Variants in HERC4 observed in about 807,000 individuals in gnomAD.
The protein encoded by HERC4 is HECT and RLD domain containing E3 ubiquitin protein ligase 4, also known as probable E3 ubiquitin-protein ligase HERC4.
A neutral mutation model predicts 124.3 loss-of-function variants in HERC4; 28 were observed. The ratio of observed to expected loss-of-function variants is 0.23; its 90% CI spans 0.17 to 0.31. The LOEUF (loss-of-function observed/expected upper bound fraction) is 0.31. Ranked by LOEUF, HERC4 falls within the 10% of genes least tolerant of loss-of-function variation. The pLI is 1.00. For synonymous variants in HERC4, 407 were observed against 421.5 expected (o/e 0.97, Z 0.42); for missense variants, 713 against 1,229.3 (o/e 0.58, Z 6.28).
chr10:67,950,446 T>C (rs922614025), intron 19 of HERC4, among the ~76,000 whole-genome samples: 3 of 152,108 alleles, frequency 2.0e-5, no homozygotes, highest in African/African-American at 7.2e-5. Flanking sequence ...CAGCTAATTT[T>C]TGTATTTTTA....
chr10:67,947,539 G>A (rs184260992), intron 19 of HERC4, among the ~76,000 whole-genome samples: 2 of 152,220 alleles, frequency 1.3e-5, no homozygotes, highest in Admixed American at 1.3e-4. Flanking sequence ...TATCATTAAT[G>A]TATACAACAA....
At chr10:67,959,237 A>G in intron 16 of HERC4, 5 of 1,084,450 alleles carry the variant, frequency 4.6e-6, no homozygotes, top group Non-Finnish European at 6.6e-6. Flanking sequence ...ATATTTTGCT[A>G]CAGCAGAATA....
chr10:67,928,886 A>G (rs1199597873), intron 23 of HERC4, among the ~76,000 whole-genome samples: 1 of 151,752 alleles, frequency 6.6e-6, no homozygotes, highest in Non-Finnish European at 1.5e-5. Context: ...GAGCCACTGC[A>G]CTCCAGCCTG....
At chr10:67,994,243 T>C (rs984878194) in intron 9 of HERC4, 2 of 152,162 alleles carry the variant, frequency 1.3e-5, no homozygotes, top group African/African-American at 2.4e-5. Context: ...TTCTCACAAA[T>C]CTATATGGAA....
chr10:68,028,451 A>G (rs1184378276), intron 7 of HERC4, among the ~76,000 whole-genome samples: 1 of 152,204 alleles, frequency 6.6e-6, no homozygotes, highest in East Asian at 1.9e-4. Context: ...AGAGCACCGT[A>G]GTAATCTTTG....
chr10:68,035,609 C>G (rs2039420424), intron 5 of HERC4, among the ~76,000 whole-genome samples: 1 of 152,242 alleles, frequency 6.6e-6, no homozygotes, highest in Non-Finnish European at 1.5e-5. Flanking sequence ...TGCTTTCTCA[C>G]TGCTCTTGGG....
At chr10:68,009,227 T>TAAA (rs530909163) in intron 9 of HERC4, among the ~76,000 whole-genome samples, 1 of 144,334 alleles carries the variant, frequency 6.9e-6, no homozygotes, top group Non-Finnish European at 1.5e-5. Flanking sequence ...TCTGTCTCAT[T>TAAA]AAAAAAAAAA....
intron 19 of HERC4, among the ~76,000 whole-genome samples, chr10:67,952,597 TTAAAGACTCA>T (rs1282726122): frequency 6.6e-6 from 1 of 151,626 alleles, no homozygotes; most frequent in African/African-American, 2.4e-5. Context: ...TTAAAATATC[TTAAAGACTCA>T]TAAATTGGAG....
chr10:67,960,044 C>T (rs892175313), intron 16 of HERC4, among the ~76,000 whole-genome samples: 4 of 152,134 alleles, frequency 2.6e-5, no homozygotes, highest in African/African-American at 9.7e-5. Flanking sequence ...GTTTGCCTGG[C>T]GCTTTAGCCA....
chr10:68,063,346 A>C (rs1186409047), intron 3 of HERC4, among the ~76,000 whole-genome samples: 4 of 152,094 alleles, frequency 2.6e-5, no homozygotes, highest in Admixed American at 1.3e-4. Flanking sequence ...AGTAGCTGAG[A>C]CTACAGGCAC....
At chr10:67,961,587 T>C (rs900943296) in intron 16 of HERC4, 2 of 152,126 alleles carry the variant, frequency 1.3e-5, no homozygotes, top group African/African-American at 2.4e-5. Flanking sequence ...GGAGGCCTCG[T>C]AGCAAATTAT....
intron 9 of HERC4, among the ~76,000 whole-genome samples, chr10:68,002,311 A>G (rs2037278290): frequency 1.3e-5 from 2 of 152,226 alleles, no homozygotes; most frequent in Non-Finnish European, 2.9e-5. Flanking sequence ...CACTTTAAAG[A>G]AAATCAGAAT....
chr10:67,941,946 G>A (rs549802769), intron 19 of HERC4, among the ~76,000 whole-genome samples: 1 of 152,086 alleles, frequency 6.6e-6, no homozygotes, highest in South Asian at 2.1e-4. Context: ...GTGAGCCACC[G>A]TGCCTGGCCA....
chr10:68,013,726 G>A (rs1456703441), intron 9 of HERC4, among the ~76,000 whole-genome samples: 1 of 152,068 alleles, frequency 6.6e-6, no homozygotes, highest in Admixed American at 6.6e-5. Flanking sequence ...TTTATGTTGT[G>A]TATATTTTAC....
rs999889656 is a variant in HERC4, at chr10:67,992,610, G to T, written c.1142C>A (p.Pro381His). ...GDQSFSHYSS[P>H]QNCGPPDDFR... ...TTTACATGACTATATTATTACCTGG[G>T]GACTAGAGTAATGTGAAAAGCTTTG... The change falls in exon 10 of 25, where the codon CCC (proline) becomes CAC (histidine). Residue 381 changes from proline to histidine, a missense_variant. Coordinates refer to ENST00000373700, the MANE Select transcript of HERC4 (RefSeq NM_015601.4). The T allele has an allele frequency of 5.3e-6, 8 of 1,499,816 alleles. No individual in the cohort carries two copies. The highest frequency in any genetic ancestry group is 6.4e-6 in the Non-Finnish European group (7 of 1,089,206). 92.9% of individuals were successfully genotyped at this position (1,499,816 alleles called of 1,614,324 possible).
chr10:67,924,290 C>T (rs2030607992), intron 24 of HERC4, among the ~76,000 whole-genome samples: 1 of 152,128 alleles, frequency 6.6e-6, no homozygotes, highest in South Asian at 2.1e-4. Flanking sequence ...ATAACATGTA[C>T]ATTCATGTGT....
chr10:68,070,466 C>T, intron 3 of HERC4: 1 of 176,010 alleles, frequency 5.7e-6, no homozygotes. Context: ...AGTAGCCAGG[C>T]ATTGTGGTGG....
intron 16 of HERC4, 39 bp from the exon 17 acceptor site, chr10:67,957,015 T>C (rs777594165): frequency 4.3e-6 from 5 of 1,170,486 alleles, no homozygotes; most frequent in Non-Finnish European, 6.1e-6. Context: ...CAAGTTGATT[T>C]GTGATATACT....
At chr10:68,047,200 GA>G (rs34624828) in intron 3 of HERC4, among the ~76,000 whole-genome samples, 76,024 of 143,056 alleles carry the variant, frequency 0.53, 23,613 homozygotes, top group African/African-American at 0.86. Context: ...ACTTCTTAGG[GA>G]AAAAAAAAAA....
Sources: allele counts gnomAD v4.1 joint callset (sites outside exome capture counted in the v4.1 genomes callset), GRCh38; gene constraint gnomAD v4.1.1; transcripts MANE v1.5; gene names NCBI Gene and HGNC (gene_info 2026-07-23, HGNC 2026-07-21).